TRIP4: variants seen among roughly 807,000 people sequenced by gnomAD.
TRIP4 encodes activating signal cointegrator 1.
A neutral mutation model predicts 81.8 loss-of-function variants in TRIP4; 54 were observed. That is an observed-to-expected ratio of 0.66 (90% CI 0.53 to 0.83). The LOEUF (loss-of-function observed/expected upper bound fraction) is 0.83. Ranked by LOEUF, TRIP4 falls within the 40% of genes least tolerant of loss-of-function variation. The pLI, the probability that TRIP4 is intolerant of heterozygous loss-of-function variation, is 0.00. For synonymous variants in TRIP4, 270 were observed against 242.8 expected (o/e 1.11, Z -1.04); for missense variants, 662 against 683.6 (o/e 0.97, Z 0.35).
At chr15:64,440,122 C>G (rs574176368) in intron 11 of TRIP4, among the ~76,000 whole-genome samples, 1 of 152,016 alleles carries the variant, frequency 6.6e-6, no homozygotes, top group East Asian at 1.9e-4. Context: ...TGGTGTGCAC[C>G]TGTAGTCTCC....
At chr15:64,392,416 T>G (rs992033444) in intron 1 of TRIP4, among the ~76,000 whole-genome samples, 2 of 152,192 alleles carry the variant, frequency 1.3e-5, no homozygotes, top group Admixed American at 6.6e-5. Context: ...TCAAGATGAT[T>G]AAAATGTGTA....
At chr15:64,435,599 A>C (rs1044422871) in intron 11 of TRIP4, among the ~76,000 whole-genome samples, 1 of 151,230 alleles carries the variant, frequency 6.6e-6, no homozygotes, top group Non-Finnish European at 1.5e-5. Flanking sequence ...TTTATTAACT[A>C]TCTGTCATGT....
At chr15:64,397,499 C>T in intron 3 of TRIP4, 107 bp from the exon 4 acceptor site, 1 of 1,063,552 alleles carries the variant, frequency 9.4e-7, no homozygotes. Flanking sequence ...TTTCTTGGTT[C>T]TTGGATAGTA....
At chr15:64,392,580 G>A (rs1294229509) in intron 1 of TRIP4, among the ~76,000 whole-genome samples, 2 of 151,796 alleles carry the variant, frequency 1.3e-5, no homozygotes, top group Non-Finnish European at 1.5e-5. Context: ...TGATCCACCC[G>A]CCTCAGCCTC....
At chr15:64,421,116 T>TA (rs1393281995) in intron 9 of TRIP4, among the ~76,000 whole-genome samples, 1 of 150,226 alleles carries the variant, frequency 6.7e-6, no homozygotes, top group Non-Finnish European at 1.5e-5. Context: ...ACCCTGTTTC[T>TA]ACTAAAAATA....
chr15:64,450,250 G>A (rs1892725074), intron 12 of TRIP4, among the ~76,000 whole-genome samples: 1 of 152,192 alleles, frequency 6.6e-6, no homozygotes. Flanking sequence ...TTAGCCAGAC[G>A]TGGTGGCAGG....
chr15:64,447,576 T>A (rs781478254), intron 12 of TRIP4, among the ~76,000 whole-genome samples: 3 of 152,248 alleles, frequency 2.0e-5, no homozygotes, highest in African/African-American at 4.8e-5. Context: ...AACATCTTGA[T>A]TGATAAGATC....
rs1374460512 is a variant in TRIP4, at chr15:64,388,029, G to A, written c.101+65G>A. ...GATGTGCACTGCCTGAGCGAACCGG[G>A]AAGCGGGGAGGACTGAAAAGTTAAG... On this transcript the variant is annotated intron_variant, in intron 1 of 12. Coordinates refer to ENST00000261884, the MANE Select transcript of TRIP4 (RefSeq NM_016213.5). The A allele has an allele frequency of 6.1e-6, 9 of 1,478,822 alleles. No homozygotes were observed. The East Asian group carries it at 7.6e-5, about 13-fold the overall frequency. 91.6% of individuals were successfully genotyped at this position (1,478,822 alleles called of 1,614,324 possible).
intron 8 of TRIP4, among the ~76,000 whole-genome samples, chr15:64,414,753 G>A (rs1008466803): frequency 6.6e-6 from 1 of 151,862 alleles, no homozygotes; most frequent in African/African-American, 2.4e-5. Flanking sequence ...TCCTGACCTC[G>A]TGATCTACCT....
chr15:64,438,956 C>G (rs1892459370), intron 11 of TRIP4, among the ~76,000 whole-genome samples: 1 of 152,186 alleles, frequency 6.6e-6, no homozygotes, highest in African/African-American at 2.4e-5. Flanking sequence ...TATGGATTGT[C>G]TCTGTAGCAT....
At chr15:64,394,186 T>TTA in intron 2 of TRIP4, 71 bp downstream of exon 2, 6 of 636,206 alleles carry the variant, frequency 9.4e-6, no homozygotes, top group South Asian at 4.9e-5. Context: ...ATTATTATTA[T>TTA]TTTTTTTTTT....
At chr15:64,393,653 G>A (rs753875045) in intron 1 of TRIP4, 3 of 189,508 alleles carry the variant, frequency 1.6e-5, no homozygotes, top group East Asian at 2.4e-4. Context: ...TTTTAAAAAC[G>A]TATTTATTGT....
chr15:64,415,754 G>A (rs1358295727), intron 8 of TRIP4, among the ~76,000 whole-genome samples: 4 of 152,136 alleles, frequency 2.6e-5, no homozygotes, highest in South Asian at 2.1e-4. Context: ...TTCCATGAAC[G>A]TGGACATTGA....
At chr15:64,423,918 C>T (rs1250876175) in intron 9 of TRIP4, 113 bp from the exon 10 acceptor site, 4 of 1,310,198 alleles carry the variant, frequency 3.1e-6, no homozygotes, top group African/African-American at 1.5e-5. Context: ...AAGGCATCAT[C>T]TATAGACCTC....
chr15:64,440,486 C>T (rs1353676102), intron 11 of TRIP4, among the ~76,000 whole-genome samples: 1 of 146,390 alleles, frequency 6.8e-6, no homozygotes, highest in Admixed American at 6.9e-5. Flanking sequence ...GGTACTGAGG[C>T]TCTGCCAAGC....
At chr15:64,397,897 CT>C in intron 4 of TRIP4, 79 bp downstream of exon 4, 3 of 1,498,956 alleles carry the variant, frequency 2.0e-6, no homozygotes, top group African/African-American at 1.4e-5. Flanking sequence ...AGTAATTTCT[CT>C]TTTTTTGTTT....
At chr15:64,428,935 A>G (rs1892209264) in intron 11 of TRIP4, among the ~76,000 whole-genome samples, 1 of 152,010 alleles carries the variant, frequency 6.6e-6, no homozygotes, top group African/African-American at 2.4e-5. Context: ...TTCTGTGTTT[A>G]AGGGTAGCAT....
At chr15:64,432,934 T>C (rs1038853178) in intron 11 of TRIP4, among the ~76,000 whole-genome samples, 3 of 151,408 alleles carry the variant, frequency 2.0e-5, no homozygotes, top group Middle Eastern at 3.2e-3. Context: ...AATAAATAAA[T>C]AAATAAATAA....
intron 3 of TRIP4, 48 bp downstream of exon 3, chr15:64,395,579 A>G: frequency 6.3e-7 from 1 of 1,575,082 alleles, no homozygotes; most frequent in Non-Finnish European, 8.6e-7. Flanking sequence ...GAGAAGAGGA[A>G]GTGACTAATA....
Sources: allele counts gnomAD v4.1 joint callset (sites outside exome capture counted in the v4.1 genomes callset), GRCh38; gene constraint gnomAD v4.1.1; transcripts MANE v1.5; gene names NCBI Gene and HGNC (gene_info 2026-07-23, HGNC 2026-07-21).